The following RFTN1 variants were observed in gnomAD, a reference collection of about 807,000 sequenced individuals.
RFTN1 encodes the protein raftlin.
Under a neutral mutation model 46.5 loss-of-function variants are expected in RFTN1, and 26 were observed. The ratio of observed to expected loss-of-function variants is 0.56; its 90% CI spans 0.41 to 0.78. The LOEUF is 0.78. Among genes scored for constraint, RFTN1 ranks in the 30% least tolerant of loss-of-function variants. RFTN1 has a pLI of 0.00. For synonymous variants in RFTN1, 261 were observed against 284.2 expected (o/e 0.92, Z 0.82); for missense variants, 693 against 718.7 (o/e 0.96, Z 0.41).
chr3:16,389,940 C>T (rs543738694), intron 4 of RFTN1, among the ~76,000 whole-genome samples: 1 of 152,190 alleles, frequency 6.6e-6, no homozygotes, highest in Non-Finnish European at 1.5e-5. Flanking sequence ...GATGCTTGCT[C>T]TTAGAACCTA....
chr3:16,472,797 C>T (rs1035899548), intron 2 of RFTN1, among the ~76,000 whole-genome samples: 2 of 152,168 alleles, frequency 1.3e-5, no homozygotes, highest in Non-Finnish European at 1.5e-5. Flanking sequence ...ACAGGAGTGA[C>T]GCCTGAAGCT....
chr3:16,472,292 C>T (rs2076213467), intron 2 of RFTN1, among the ~76,000 whole-genome samples: 1 of 151,982 alleles, frequency 6.6e-6, no homozygotes, highest in African/African-American at 2.4e-5. Context: ...AAGTGTTCTT[C>T]TCTGCATAGC....
chr3:16,492,772 T>C (rs1401467657), intron 2 of RFTN1, among the ~76,000 whole-genome samples: 1 of 152,214 alleles, frequency 6.6e-6, no homozygotes, highest in Admixed American at 6.5e-5. Context: ...TTTTATTCTT[T>C]TCATTTGTAT....
chr3:16,406,067 C>G (rs2074849767), intron 4 of RFTN1, among the ~76,000 whole-genome samples: 2 of 152,168 alleles, frequency 1.3e-5, no homozygotes, highest in African/African-American at 4.8e-5. Context: ...ATACTTCTTC[C>G]TGGGAAGCAC....
chr3:16,375,095 C>T (rs1461581661), intron 5 of RFTN1, among the ~76,000 whole-genome samples: 1 of 152,070 alleles, frequency 6.6e-6, no homozygotes, highest in African/African-American at 2.4e-5. Context: ...GCTGTGATTG[C>T]CTATTTAAGC....
rs1491552873 is a variant in RFTN1 at position 16,507,624 on chromosome 3, A to AT, written c.-9+5817_-9+5818insA. On this transcript the variant is annotated intron_variant, in intron 1 of 9. Coordinates refer to ENST00000334133, the MANE Select transcript of RFTN1 (RefSeq NM_015150.2). This position sits in a 1 kb window ranked among gnomAD's most constrained non-coding sequence, Gnocchi z 7.1. ...AACACACACACACACACACACACATACACACACACATGCACACATCCACAA... is the reference window on the plus strand; with the variant it reads ...AACACACACACACACACACACACATATCACACACACATGCACACATCCACAA... Among the ~76,000 whole-genome samples the AT allele has an allele frequency of 2.0e-5, 3 of 150,298 alleles. No homozygotes were observed. Among genetic ancestry groups the AT allele is most frequent in the African/African-American group, 5.0e-5 (2 of 39,916 alleles).
At position 16,353,277 on chromosome 3, in the gene RFTN1, G is replaced by A. The variant is rs957072052; in HGVS notation, c.1146+4655C>T. 1.3e-5 allele frequency among the ~76,000 whole-genome samples: 2 copies of A among 152,180 alleles called. No individual in the cohort carries two copies. Among genetic ancestry groups the A allele is most frequent in the Non-Finnish European group, 2.9e-5 (2 of 68,038 alleles). ...GGAAAAGAAGTAGCTGGGTCTCAAG[G>A]GTAGAAGACGTGAGAGCTGGAAAAA... On this transcript the variant is annotated intron_variant, in intron 7 of 9. Transcript: ENST00000334133. The surrounding 1 kb of genome is among the most constrained non-coding windows in gnomAD (Gnocchi z 5.4).
chr3:16,369,503 C>CT (rs1481114235), intron 6 of RFTN1, among the ~76,000 whole-genome samples: 3 of 152,234 alleles, frequency 2.0e-5, no homozygotes, highest in African/African-American at 7.2e-5. Flanking sequence ...TGTGGGCAGA[C>CT]TTTCTGCCTT....
chr3:16,357,824 C>CA, intron 7 of RFTN1, 108 bp downstream of exon 7: 1 of 721,940 alleles, frequency 1.4e-6, no homozygotes, highest in Non-Finnish European at 2.4e-6. Flanking sequence ...TCAACTCCCT[C>CA]TCAGAAGAAA....
chr3:16,456,482 A>G (rs1402020458), intron 2 of RFTN1, among the ~76,000 whole-genome samples: 2 of 152,198 alleles, frequency 1.3e-5, no homozygotes, highest in African/African-American at 2.4e-5. Context: ...CTTCTTACAC[A>G]TTGGAAGGTG....
In RFTN1 at chr3:16,433,404, T is replaced by A. The variant is rs1382109719; in HGVS notation, c.332+447A>T. 6.6e-6 allele frequency among the ~76,000 whole-genome samples: 1 copy of A among 152,180 alleles called. No individual in the cohort carries two copies. The highest frequency in any genetic ancestry group is 1.5e-5 in the Non-Finnish European group (1 of 68,026). On this transcript the variant is annotated intron_variant, in intron 3 of 9. Coordinates refer to ENST00000334133, the MANE Select transcript of RFTN1 (RefSeq NM_015150.2). The surrounding 1 kb of genome is among the most constrained non-coding windows in gnomAD (Gnocchi z 4.4). ...TTAACTGTCAAGTGATTGACAGAATTTATGGTAGGCGCAAAATGTTAAAGT... is the reference window on the plus strand; with the variant it reads ...TTAACTGTCAAGTGATTGACAGAATATATGGTAGGCGCAAAATGTTAAAGT...
At chr3:16,454,056 A>T (rs2124913158) in intron 2 of RFTN1, among the ~76,000 whole-genome samples, 1 of 152,338 alleles carries the variant, frequency 6.6e-6, no homozygotes, top group African/African-American at 2.4e-5. Flanking sequence ...GACCTCTACA[A>T]GGAGTATGAG....
chr3:16,488,544 A>T (rs1202104126), intron 2 of RFTN1, among the ~76,000 whole-genome samples: 1 of 152,234 alleles, frequency 6.6e-6, no homozygotes, highest in Non-Finnish European at 1.5e-5. Flanking sequence ...AGTGTCATTT[A>T]AAAATCTGCT....
Position 16,421,270 on chromosome 3 carries a change from A to C in RFTN1, c.333-11787T>G, listed in dbSNP as rs577334654. On this transcript the variant is annotated intron_variant, in intron 3 of 9. Coordinates refer to ENST00000334133, the MANE Select transcript of RFTN1 (RefSeq NM_015150.2). The surrounding 1 kb of genome is among the most constrained non-coding windows in gnomAD (Gnocchi z 4.6). ...TCATTGTTAACATAATGGAACTATA[A>C]CACACTTTTCAAAAAGTCTTCTTGA... Among the ~76,000 whole-genome samples, 1 of 152,202 alleles carries C rather than the reference A, an allele frequency of 6.6e-6. No homozygotes were observed. The highest frequency in any genetic ancestry group is 1.5e-5 in the Non-Finnish European group (1 of 68,030).
chr3:16,381,004 G>A lies in RFTN1; in HGVS notation c.442-2902C>T, dbSNP rs931943681. ...CCCCTACACTGGTCCAGGCCAACAC[G>A]GTGCTTAGGTACCAGGAATGTAAAA... On this transcript the variant is annotated intron_variant, in intron 4 of 9. Transcript: ENST00000334133. This position sits in a 1 kb window ranked among gnomAD's most constrained non-coding sequence, Gnocchi z 4.2. 2.6e-5 allele frequency among the ~76,000 whole-genome samples: 4 copies of A among 152,266 alleles called. No individual in the cohort carries two copies. The highest frequency in any genetic ancestry group is 1.9e-4 in the East Asian group (1 of 5,190).
At chr3:16,435,847 A>T (rs1466640134) in intron 2 of RFTN1, among the ~76,000 whole-genome samples, 1 of 151,344 alleles carries the variant, frequency 6.6e-6, no homozygotes, top group African/African-American at 2.4e-5. Context: ...AAAACATCTC[A>T]TGTACCCTAT....
Position 16,475,799 on chromosome 3 carries a change from G to A in RFTN1, c.145+17926C>T, listed in dbSNP as rs553651530. Among the ~76,000 whole-genome samples the A allele has an allele frequency of 1.3e-5, 2 of 152,300 alleles. No individual in the cohort carries two copies. Among genetic ancestry groups the A allele is most frequent in the Middle Eastern group, 3.4e-3 (1 of 294 alleles). On this transcript the variant is annotated intron_variant, in intron 2 of 9. Transcript: ENST00000334133. The surrounding 1 kb of genome is among the most constrained non-coding windows in gnomAD (Gnocchi z 4.2). ...GCAAAAGCCAAGTCCCAGCAGTCAC[G>A]GTTTCCATATTGAAGCAATGTTAAT... is the stretch of plus-strand genomic sequence containing the variant.
At chr3:16,391,016 T>A (rs2074331147) in intron 4 of RFTN1, among the ~76,000 whole-genome samples, 1 of 152,152 alleles carries the variant, frequency 6.6e-6, no homozygotes, top group Non-Finnish European at 1.5e-5. Flanking sequence ...TTCTAACAGC[T>A]CCTTTGACTG....
chr3:16,489,136 G>A lies in RFTN1; in HGVS notation c.145+4589C>T, dbSNP rs868421840. Among the ~76,000 whole-genome samples, 1 of 152,302 alleles carries A rather than the reference G, an allele frequency of 6.6e-6. No homozygotes were observed. The highest frequency in any genetic ancestry group is 2.1e-4 in the South Asian group (1 of 4,826). On this transcript the variant is annotated intron_variant, in intron 2 of 9. Coordinates refer to ENST00000334133, the MANE Select transcript of RFTN1 (RefSeq NM_015150.2). This position sits in a 1 kb window ranked among gnomAD's most constrained non-coding sequence, Gnocchi z 4.0. ...CCTGGGAAATAAAATCAGTGATGGA[G>A]GCCGGGTGAGGTGGCTCACACCTGT...
Sources: allele counts gnomAD v4.1 joint callset (sites outside exome capture counted in the v4.1 genomes callset), GRCh38; gene constraint gnomAD v4.1.1; non-coding constraint Gnocchi (gnomAD v3.1); transcripts MANE v1.5; gene names NCBI Gene and HGNC (gene_info 2026-07-23, HGNC 2026-07-21).